The following CDC14B variants were observed in gnomAD, a reference collection of about 807,000 sequenced individuals.
CDC14B encodes the protein cell division cycle 14B.
A neutral mutation model predicts 64.2 loss-of-function variants in CDC14B; 22 were observed. That is an observed-to-expected ratio of 0.34 (90% CI 0.24 to 0.49). CDC14B has a LOEUF of 0.49. CDC14B is among the 20% of genes least tolerant of loss of function. CDC14B has a pLI of 0.99. For synonymous variants in CDC14B, 191 were observed against 215.8 expected (o/e 0.89, Z 1.01); for missense variants, 498 against 629.9 (o/e 0.79, Z 2.24).
Position 96,515,219 on chromosome 9 carries a change from G to A in CDC14B, c.1344-5430C>T, listed in dbSNP as rs1208086639. 6.6e-6 allele frequency among the ~76,000 whole-genome samples: 1 copy of A among 152,186 alleles called. No individual in the cohort carries two copies. The highest frequency in any genetic ancestry group is 1.5e-5 in the Non-Finnish European group (1 of 68,032). ...ATGAAAGTAGATCAGTGGGAAAAATGCTTCTTTGCTAGACTGGGAAGGACA... is the reference window on the plus strand; with the variant it reads ...ATGAAAGTAGATCAGTGGGAAAAATACTTCTTTGCTAGACTGGGAAGGACA... On this transcript the variant is annotated intron_variant, in intron 12 of 13. Transcript: ENST00000375241. This position sits in a 1 kb window ranked among gnomAD's most constrained non-coding sequence, Gnocchi z 4.3.
intron 5 of CDC14B, among the ~76,000 whole-genome samples, chr9:96,543,838 C>T (rs758807672): frequency 6.6e-6 from 1 of 152,186 alleles, no homozygotes; most frequent in Non-Finnish European, 1.5e-5. Flanking sequence ...AATTCCCCAC[C>T]TTATTTGGGT....
Position 96,515,864 on chromosome 9 carries a change from C to A in CDC14B, c.1344-6075G>T. ...CAAAATAAATTACGCAATCATCAAT[C>A]AATCAAGCCATATGTGAATTTTAGA... On this transcript the variant is annotated intron_variant, in intron 12 of 13. Coordinates refer to ENST00000375241, the MANE Select transcript of CDC14B (RefSeq NM_033331.4). The surrounding 1 kb of genome is among the most constrained non-coding windows in gnomAD (Gnocchi z 4.3). The A allele has an allele frequency of 7.1e-7, 1 of 1,410,426 alleles. No homozygotes were observed. Among genetic ancestry groups the A allele is most frequent in the Admixed American group, 2.2e-5 (1 of 45,636 alleles). The allele number at this position is 1,410,426 out of a possible 1,614,324, so 87.4% of individuals were successfully genotyped here. A position where few individuals can be genotyped will look rare whatever the true frequency, so the allele number is the denominator to read the frequency against.
At chr9:96,524,485 C>A (rs568820244) in intron 9 of CDC14B, among the ~76,000 whole-genome samples, 2 of 152,160 alleles carry the variant, frequency 1.3e-5, no homozygotes, top group Admixed American at 1.3e-4. Flanking sequence ...TCTGTAATAC[C>A]CATTTTCACT....
intron 6 of CDC14B, among the ~76,000 whole-genome samples, chr9:96,540,059 T>C (rs1489255091): frequency 1.3e-5 from 2 of 152,272 alleles, no homozygotes; most frequent in East Asian, 3.9e-4. Context: ...TAAACACTAA[T>C]CCCAAGACTA....
At chr9:96,604,078 G>A (rs978383248) in intron 1 of CDC14B, among the ~76,000 whole-genome samples, 7 of 152,072 alleles carry the variant, frequency 4.6e-5, no homozygotes, top group African/African-American at 1.2e-4. Context: ...GAACTTGAAC[G>A]GAATCCACAG....
chr9:96,566,653 A>T, intron 1 of CDC14B: 3 of 972,826 alleles, frequency 3.1e-6, no homozygotes, highest in Non-Finnish European at 4.7e-6. Context: ...ACCCACACGC[A>T]GGAGACAAGG....
At chr9:96,585,716 A>C (rs1488058897) in intron 1 of CDC14B, among the ~76,000 whole-genome samples, 1 of 152,238 alleles carries the variant, frequency 6.6e-6, no homozygotes. Flanking sequence ...TTTCTTACAA[A>C]GTTACTCAGG....
chr9:96,583,811 C>T (rs563781667), intron 1 of CDC14B, among the ~76,000 whole-genome samples: 8 of 152,254 alleles, frequency 5.3e-5, no homozygotes, highest in Non-Finnish European at 1.0e-4. Context: ...CTCCGCCTCC[C>T]GGGTTCACAC....
chr9:96,598,366 T>G (rs1313744931), intron 1 of CDC14B, among the ~76,000 whole-genome samples: 1 of 152,234 alleles, frequency 6.6e-6, no homozygotes, highest in African/African-American at 2.4e-5. Context: ...AGATGGAGTC[T>G]CGCTCTGTCA....
At chr9:96,592,041 G>A (rs1564378011) in intron 1 of CDC14B, among the ~76,000 whole-genome samples, 1 of 151,810 alleles carries the variant, frequency 6.6e-6, no homozygotes, top group African/African-American at 2.4e-5. Flanking sequence ...CACAGCGCCC[G>A]GCCTGTCTTT....
chr9:96,513,840 T>C (rs1037308656), intron 12 of CDC14B, among the ~76,000 whole-genome samples: 7 of 152,158 alleles, frequency 4.6e-5, no homozygotes, highest in African/African-American at 1.4e-4. Context: ...GGCCTAATTC[T>C]CCAGGCATGC....
intron 1 of CDC14B, among the ~76,000 whole-genome samples, chr9:96,569,677 T>G (rs1190430010): frequency 6.6e-6 from 1 of 151,766 alleles, no homozygotes; most frequent in Non-Finnish European, 1.5e-5. Flanking sequence ...CAGGCTGGAG[T>G]GCAGTGGTGC....
intron 1 of CDC14B, among the ~76,000 whole-genome samples, chr9:96,616,349 T>C (rs1847627038): frequency 2.0e-5 from 3 of 151,954 alleles, no homozygotes; most frequent in South Asian, 4.2e-4. Flanking sequence ...CTAATCTTGC[T>C]GGTATGGCAC....
chr9:96,537,868 G>A (rs192013243), intron 7 of CDC14B, among the ~76,000 whole-genome samples: 55 of 151,982 alleles, frequency 3.6e-4, no homozygotes, highest in African/African-American at 1.1e-3. Flanking sequence ...GACTACAGGC[G>A]CCCACCACCA....
At chr9:96,612,119 T>A (rs1847357473) in intron 1 of CDC14B, among the ~76,000 whole-genome samples, 1 of 152,194 alleles carries the variant, frequency 6.6e-6, no homozygotes, top group East Asian at 1.9e-4. Flanking sequence ...CTAACATTTA[T>A]CCCAAGGCAG....
chr9:96,543,988 G>A (rs1840442437), intron 5 of CDC14B, among the ~76,000 whole-genome samples: 1 of 152,164 alleles, frequency 6.6e-6, no homozygotes, highest in South Asian at 2.1e-4. Flanking sequence ...GGAGGCCGAG[G>A]CAGGTGGATC....
rs1167527428 is a variant in CDC14B, at chr9:96,503,794, AG to A, written c.1461-6del. On this transcript the variant is annotated splice_region_variant and splice_polypyrimidine_tract_variant and intron_variant, in intron 13 of 13. Coordinates refer to ENST00000375241, the MANE Select transcript of CDC14B (RefSeq NM_033331.4). ...TTAGTCCTTGAAATGGAGAGACTAC[AG>A]GGGGAAAAAAAAGGATTTTTACCAG... 9 of 1,612,260 alleles carry A rather than the reference AG, an allele frequency of 5.6e-6. No individual in the cohort carries two copies. Among genetic ancestry groups the A allele is most frequent in the Admixed American group, 1.7e-5 (1 of 59,666 alleles).
intron 4 of CDC14B, among the ~76,000 whole-genome samples, chr9:96,557,857 G>T (rs73654898): frequency 2.0e-5 from 3 of 152,116 alleles, no homozygotes; most frequent in African/African-American, 4.8e-5. Context: ...TGCAAGCTAC[G>T]TGCCAAAAGT....
chr9:96,573,815 G>C (rs189679322), intron 1 of CDC14B, among the ~76,000 whole-genome samples: 72 of 152,172 alleles, frequency 4.7e-4, no homozygotes, highest in African/African-American at 1.6e-3. Context: ...AATTAATCCA[G>C]AAGATCACAG....
Sources: allele counts gnomAD v4.1 joint callset (sites outside exome capture counted in the v4.1 genomes callset), GRCh38; gene constraint gnomAD v4.1.1; non-coding constraint Gnocchi (gnomAD v3.1); transcripts MANE v1.5; gene names NCBI Gene and HGNC (gene_info 2026-07-23, HGNC 2026-07-21).